Variants in CDH12 observed in about 807,000 individuals in gnomAD.
CDH12 encodes the protein cadherin 12, also known as cadherin-12.
A neutral mutation model predicts 74.1 loss-of-function variants in CDH12; 41 were observed. The observed-to-expected ratio is 0.55, with a 90% confidence interval of 0.43 to 0.72. The LOEUF (loss-of-function observed/expected upper bound fraction) is 0.72. Ranked by LOEUF, CDH12 falls within the 30% of genes least tolerant of loss-of-function variation. The pLI, the probability that CDH12 is intolerant of heterozygous loss-of-function variation, is 0.00. For synonymous variants in CDH12, 399 were observed against 355.0 expected, an observed-to-expected ratio of 1.12 and a Z score of -1.39; for missense variants, 945 against 977.2, an observed-to-expected ratio of 0.97 and a Z score of 0.44.
intron 4 of CDH12, among the ~76,000 whole-genome samples, chr5:22,155,680 C>T (rs1747980410): frequency 6.6e-6 from 1 of 151,812 alleles, no homozygotes; most frequent in Non-Finnish European, 1.5e-5. Context: ...TATTTTTATA[C>T]AGAACAGAAA....
At chr5:21,753,139 T>C (rs1744193844) in intron 14 of CDH12, among the ~76,000 whole-genome samples, 1 of 152,148 alleles carries the variant, frequency 6.6e-6, no homozygotes, top group South Asian at 2.1e-4. Context: ...CTCTCCTCCA[T>C]AGTGGTGTCA....
chr5:21,994,733 G>A (rs1736168393), intron 5 of CDH12, among the ~76,000 whole-genome samples: 1 of 152,148 alleles, frequency 6.6e-6, no homozygotes, highest in African/African-American at 2.4e-5. Context: ...GGTCTGGTGA[G>A]ACTTGGAGAA....
intron 3 of CDH12, among the ~76,000 whole-genome samples, chr5:22,383,622 C>G (rs140875696): frequency 6.6e-6 from 1 of 152,162 alleles, no homozygotes; most frequent in Non-Finnish European, 1.5e-5. Context: ...CTGGGCATTG[C>G]TGGTCTCATA....
At chr5:22,638,654 A>C (rs268991) in intron 1 of CDH12, 94,124 of 152,010 alleles carry the variant, frequency 0.62, 29,799 homozygotes, top group East Asian at 0.88. Flanking sequence ...AGTTGACACT[A>C]AGTGTTAACC....
At chr5:21,966,280 A>G (rs1756581798) in intron 6 of CDH12, among the ~76,000 whole-genome samples, 2 of 151,370 alleles carry the variant, frequency 1.3e-5, no homozygotes, top group Non-Finnish European at 2.9e-5. Flanking sequence ...TCAATCCACT[A>G]TGTAATGGGT....
At chr5:21,900,402 G>A (rs555282740) in intron 6 of CDH12, among the ~76,000 whole-genome samples, 4 of 152,308 alleles carry the variant, frequency 2.6e-5, no homozygotes, top group East Asian at 1.9e-4. Flanking sequence ...TGACAGGTAT[G>A]TAGTATATTT....
intron 8 of CDH12, among the ~76,000 whole-genome samples, chr5:21,841,090 A>G (rs1265836838): frequency 6.6e-6 from 1 of 152,104 alleles, no homozygotes; most frequent in Non-Finnish European, 1.5e-5. Flanking sequence ...ATGGGAGAAA[A>G]TTTTCGCAAG....
At chr5:21,793,104 T>C (rs1325593090) in intron 10 of CDH12, among the ~76,000 whole-genome samples, 2 of 151,720 alleles carry the variant, frequency 1.3e-5, no homozygotes, top group Non-Finnish European at 3.0e-5. Flanking sequence ...TCACAGAACT[T>C]TCCTAATTTC....
chr5:21,878,126 T>C (rs1752037606), intron 6 of CDH12, among the ~76,000 whole-genome samples: 1 of 152,240 alleles, frequency 6.6e-6, no homozygotes, highest in Non-Finnish European at 1.5e-5. Context: ...TAAATATTCC[T>C]AGCTAATAGA....
At chr5:22,203,681 A>G (rs956940882) in intron 4 of CDH12, among the ~76,000 whole-genome samples, 1 of 152,190 alleles carries the variant, frequency 6.6e-6, no homozygotes, top group Non-Finnish European at 1.5e-5. Context: ...ACTCTTGCCT[A>G]TAATGACTGT....
intron 4 of CDH12, among the ~76,000 whole-genome samples, chr5:22,186,429 T>C (rs1484471381): frequency 6.6e-6 from 1 of 152,156 alleles, no homozygotes; most frequent in Non-Finnish European, 1.5e-5. Flanking sequence ...TGTTCAGTAG[T>C]GTGAGAGATA....
chr5:21,752,505 T>C (rs923866249), intron 14 of CDH12, among the ~76,000 whole-genome samples: 1 of 152,124 alleles, frequency 6.6e-6, no homozygotes, highest in African/African-American at 2.4e-5. Context: ...AAGTGTGTGT[T>C]GCAACAAAAG....
intron 6 of CDH12, among the ~76,000 whole-genome samples, chr5:21,858,355 T>G (rs1750862084): frequency 6.6e-6 from 1 of 151,930 alleles, no homozygotes; most frequent in African/African-American, 2.4e-5. Flanking sequence ...ATAGACTTAT[T>G]AAACAGGCAT....
intron 1 of CDH12, among the ~76,000 whole-genome samples, chr5:22,544,844 A>G (rs2126724444): frequency 6.6e-6 from 1 of 152,092 alleles, no homozygotes; most frequent in African/African-American, 2.4e-5. Flanking sequence ...AATAGGACAT[A>G]TTATTAAAGG....
intron 6 of CDH12, among the ~76,000 whole-genome samples, chr5:21,965,934 T>G (rs1366713537): frequency 6.6e-6 from 1 of 152,104 alleles, no homozygotes; most frequent in African/African-American, 2.4e-5. Context: ...GAATAATTTT[T>G]GCAGAGAAAT....
chr5:22,612,200 AATTT>A (rs1737439421), intron 1 of CDH12, among the ~76,000 whole-genome samples: 3 of 152,192 alleles, frequency 2.0e-5, no homozygotes, highest in Admixed American at 2.0e-4. Flanking sequence ...ACTTGCTCAA[AATTT>A]ATTTATCAGT....
At chr5:22,584,396 G>C (rs1306558960) in intron 1 of CDH12, among the ~76,000 whole-genome samples, 1 of 152,010 alleles carries the variant, frequency 6.6e-6, no homozygotes, top group African/African-American at 2.4e-5. Flanking sequence ...CACTGCTCCT[G>C]GAAGGAATTT....
intron 5 of CDH12, among the ~76,000 whole-genome samples, chr5:21,991,249 A>C (rs1757736508): frequency 6.6e-6 from 1 of 151,772 alleles, no homozygotes; most frequent in Admixed American, 6.6e-5. Context: ...TTGCTTTGAA[A>C]GACATAAAAT....
intron 1 of CDH12, among the ~76,000 whole-genome samples, chr5:22,845,507 CCTCTATGTG>C (rs1231505574): frequency 1.3e-5 from 2 of 152,036 alleles, no homozygotes; most frequent in Admixed American, 1.3e-4. Flanking sequence ...TGCTATGTGC[CCTCTATGTG>C]CGACTATTAT....
Sources: allele counts gnomAD v4.1 joint callset (sites outside exome capture counted in the v4.1 genomes callset), GRCh38; gene constraint gnomAD v4.1.1; transcripts MANE v1.5; gene names NCBI Gene and HGNC (gene_info 2026-07-23, HGNC 2026-07-21).